The following SLC39A13 variants were observed in gnomAD, a reference collection of about 807,000 sequenced individuals.
The protein encoded by SLC39A13 is zinc transporter ZIP13.
Under a neutral mutation model 38.7 loss-of-function variants are expected in SLC39A13, and 18 were observed. That is an observed-to-expected ratio of 0.47 (90% CI 0.32 to 0.69). The LOEUF (loss-of-function observed/expected upper bound fraction) is 0.69. Among genes scored for constraint, SLC39A13 ranks in the 30% least tolerant of loss-of-function variants. The pLI, the probability that SLC39A13 is intolerant of heterozygous loss-of-function variation, is 0.03. For missense variants in SLC39A13, 395 were observed against 490.7 expected (o/e 0.80, Z 1.84); for synonymous variants, 212 against 219.1 (o/e 0.97, Z 0.29).
rs563177893 is a variant in SLC39A13 at position 47,414,091 on chromosome 11, C to G, written c.736-334C>G. 101 of 609,486 alleles carry G rather than the reference C, an allele frequency of 1.7e-4. 2 individuals are homozygous for G. The South Asian group carries it at 2.0e-3, about 12-fold the overall frequency. 37.8% of individuals were successfully genotyped at this position (609,486 alleles called of 1,614,324 possible). A position where few individuals can be genotyped will look rare whatever the true frequency, so the allele number is the denominator to read the frequency against. On this transcript the variant is annotated intron_variant, in intron 6 of 9. Transcript: ENST00000362021. ...CGCTTCGAGCGGCTGACGACTCATC[C>G]TTGGGGCCTCGACTTACATGGACTC...
At chr11:47,413,750 T>C in intron 6 of SLC39A13, 64 bp downstream of exon 6, 1 of 1,545,706 alleles carries the variant, frequency 6.5e-7, no homozygotes, top group Non-Finnish European at 8.9e-7. Context: ...ATTCCACCTG[T>C]GTCTGGAGTC....
In SLC39A13 at chr11:47,415,559, T is replaced by C; in HGVS notation, c.*196T>C. 1 of 684,720 alleles carries C rather than the reference T, an allele frequency of 1.5e-6. No homozygotes were observed. The highest frequency in any genetic ancestry group is 2.6e-6 in the Non-Finnish European group (1 of 383,610). The allele number at this position is 684,720 out of a possible 1,614,324, so 42.4% of individuals were successfully genotyped here. On this transcript the variant is annotated 3_prime_UTR_variant, in exon 10 of 10. Transcript: ENST00000362021. ...AGGTGTGTGCGCGAGACCGACACTG[T>C]GATCCCTGTGCTGGGTCCGGGGCCC...
Position 47,414,817 on chromosome 11 carries a change from G to A in SLC39A13, c.827G>A (p.Arg276Gln), listed in dbSNP as rs898539401. ...ATCCTGCTCCGGGCCGGCTTTGACC[G>A]ATGGAGCGCAGCCAAGCTGCAACTC... Reference protein sequence around the residue: ...FAILLRAGFDRWSAAKLQLST... With the variant: ...FAILLRAGFDQWSAAKLQLST... Residue 276 changes from arginine to glutamine, a missense_variant, in exon 8 of 10, where the codon CGA becomes CAA. By Grantham distance (43) the Arg-to-Gln change is conservative (BLOSUM62 1). Transcript: ENST00000362021. The A allele has an allele frequency of 1.3e-5, 21 of 1,611,790 alleles. No homozygotes were observed. The highest frequency in any genetic ancestry group is 6.7e-5 in the African/African-American group (5 of 75,036).
upstream of SLC39A13, chr11:47,408,498 G>T (rs930514334): frequency 6.7e-6 from 1 of 150,264 alleles, no homozygotes; most frequent in Non-Finnish European, 1.5e-5. Flanking sequence ...GGCACGCGGC[G>T]CCTCGGGTTC....
chr11:47,414,115 T>C, intron 6 of SLC39A13: 1 of 607,292 alleles, frequency 1.6e-6, no homozygotes, highest in Non-Finnish European at 2.9e-6. Context: ...TTACATGGAC[T>C]CCTCCACCAG....
chr11:47,413,991 G>A, intron 6 of SLC39A13: 1 of 681,314 alleles, frequency 1.5e-6, no homozygotes, highest in South Asian at 1.5e-5. Context: ...TGGCCCAGAG[G>A]CAGCCTACTC....
upstream of SLC39A13, among the ~76,000 whole-genome samples, chr11:47,408,371 C>T (rs2095979874): frequency 6.6e-6 from 1 of 152,096 alleles, no homozygotes. Context: ...CTCTCACTTC[C>T]GACCGACCCT....
intron 6 of SLC39A13, 115 bp downstream of exon 6, chr11:47,413,801 G>A (rs2096011865): frequency 8.8e-7 from 1 of 1,138,964 alleles, no homozygotes; most frequent in Non-Finnish European, 1.3e-6. Context: ...CTCATCTAAG[G>A]CTCTCATCCC....
chr11:47,414,922 C>T lies in SLC39A13; in HGVS notation c.919+13C>T, dbSNP rs371922603. 71 of 1,610,284 alleles carry T rather than the reference C, an allele frequency of 4.4e-5. No homozygotes were observed. Among genetic ancestry groups the T allele is most frequent in the African/African-American group, 1.3e-4 (10 of 74,906 alleles). On this transcript the variant is annotated intron_variant, in intron 8 of 9. Transcript: ENST00000362021. The stretch of plus-strand genomic sequence containing the variant: ...CCCAAGGGAGTAGGTACGGGCGTGG[C>T]GGGTGGTTGTGGCGGGTGGCATCAG...
intron 1 of SLC39A13, chr11:47,409,650 C>T: frequency 9.6e-6 from 2 of 208,900 alleles, no homozygotes; most frequent in South Asian, 1.5e-4. Flanking sequence ...GGCTCATCTG[C>T]TCAGTTTCCC....
In SLC39A13 at chr11:47,410,261, G is replaced by A; in HGVS notation, c.167G>A (p.Trp56Ter). 6.2e-7 allele frequency: 1 copy of A among 1,614,112 alleles called. No homozygotes were observed. Among genetic ancestry groups the A allele is most frequent in the Non-Finnish European group, 8.5e-7 (1 of 1,180,008 alleles). Residue 56 changes from tryptophan (W) to a stop codon, truncating the protein, a stop_gained, in exon 2 of 10, where the codon TGG becomes TAG. Coordinates refer to ENST00000362021, the MANE Select transcript of SLC39A13 (RefSeq NM_001128225.3). LOFTEE classifies it high-confidence loss of function. ...CTGGACAACAAGGAAAGCGAGTCCT[G>A]GGGGGCTCTGCTGAGCGGAGAGCGG... Reference protein sequence around the residue: ...CRLDNKESESWGALLSGERLD... With the variant: ...CRLDNKESES
intron 3 of SLC39A13, 42 bp downstream of exon 3, chr11:47,412,081 T>A: frequency 6.4e-7 from 1 of 1,569,286 alleles, no homozygotes; most frequent in South Asian, 1.2e-5. Flanking sequence ...GTGCCAGGAG[T>A]GGGGGCCTGG....
chr11:47,408,391 C>T (rs1184101699), upstream of SLC39A13, among the ~76,000 whole-genome samples: 3 of 152,112 alleles, frequency 2.0e-5, no homozygotes, highest in Non-Finnish European at 2.9e-5. Flanking sequence ...TCCCCTCCGG[C>T]CCGCAGCCCT....
intron 4 of SLC39A13, 129 bp downstream of exon 4, chr11:47,412,596 G>A (rs1595882221): frequency 1.3e-6 from 2 of 1,523,578 alleles, no homozygotes; most frequent in East Asian, 2.4e-5. Context: ...GGGAGCTGCG[G>A]GAGGTTGGGC....
chr11:47,408,747 C>T (rs942904704), intron 1 of SLC39A13, 85 bp downstream of exon 1: 1 of 152,626 alleles, frequency 6.6e-6, no homozygotes, highest in African/African-American at 2.4e-5. Context: ...TGGTCCTCAT[C>T]AGACCTGGGC....
chr11:47,414,353 G>A, intron 6 of SLC39A13, 72 bp from the exon 7 acceptor site: 1 of 1,531,526 alleles, frequency 6.5e-7, no homozygotes, highest in Non-Finnish European at 8.9e-7. Context: ...GTAAACCTCT[G>A]TGGAATGAGT....
Position 47,413,510 on chromosome 11 carries a change from G to T in SLC39A13, c.645+3G>T. 6.2e-7 allele frequency: 1 copy of T among 1,614,068 alleles called. No homozygotes were observed. The highest frequency in any genetic ancestry group is 8.5e-7 in the Non-Finnish European group (1 of 1,180,002). On this transcript the variant is annotated splice_donor_region_variant and intron_variant, in intron 5 of 9. Transcript: ENST00000362021. ...GTGCCGTGGTCCGGAGCATCAAAGT[G>T]AGTGGCCTGCTCAGGGCCCCTGCAG...
upstream of SLC39A13, chr11:47,407,479 G>C (rs1346876465): frequency 6.6e-6 from 1 of 152,286 alleles, no homozygotes; most frequent in Non-Finnish European, 1.5e-5. Context: ...GCCATGGGAG[G>C]CTGATGAGGG....
At position 47,415,133 on chromosome 11, in the gene SLC39A13, T is replaced by C. The variant is rs761419476; in HGVS notation, c.1014T>C (p.Pro338=). 6.8e-6 allele frequency: 11 copies of C among 1,612,584 alleles called. No homozygotes were observed. The highest frequency in any genetic ancestry group is 1.3e-5 in the African/African-American group (1 of 74,874). The change falls in exon 9 of 10, where the codon CCT becomes CCC. Residue 338 remains proline, a synonymous_variant. Transcript: ENST00000362021. ...ACATCGCCTTGGTGAACGTGCTCCC[T>C]GACCTCTTGGAAGAAGAGGACCCGT... is the stretch of plus-strand genomic sequence containing the variant. ...FLYIALVNVL[P]DLLEEEDPWR...
Sources: allele counts gnomAD v4.1 joint callset (sites outside exome capture counted in the v4.1 genomes callset), GRCh38; gene constraint gnomAD v4.1.1; transcripts MANE v1.5; gene names NCBI Gene and HGNC (gene_info 2026-07-23, HGNC 2026-07-21).